HGSNAT: variants seen among roughly 807,000 people sequenced by gnomAD.
HGSNAT encodes the protein transmembrane protein 76.
Under a neutral mutation model 85.2 loss-of-function variants are expected in HGSNAT, and 59 were observed. The observed-to-expected ratio is 0.69, with a 90% CI of 0.56 to 0.86. The LOEUF is 0.86. HGSNAT is among the 40% of genes least tolerant of loss of function. The probability of loss-of-function intolerance (pLI) is 0.00; values close to 1 mark genes in which losing one functional copy is unlikely to be tolerated. For missense variants in HGSNAT, 756 were observed against 777.1 expected (o/e 0.97, Z 0.32); for synonymous variants, 321 against 304.5 (o/e 1.05, Z -0.56).
At chr8:43,163,330 G>GAA (rs953338568) in intron 5 of HGSNAT, among the ~76,000 whole-genome samples, 4 of 152,094 alleles carry the variant, frequency 2.6e-5, no homozygotes, top group African/African-American at 4.8e-5. Context: ...GACAAAGCAG[G>GAA]AGTCCCTTAT....
At chr8:43,167,873 G>C (rs1419425980) in intron 5 of HGSNAT, 1 of 207,782 alleles carries the variant, frequency 4.8e-6, no homozygotes, top group African/African-American at 2.4e-5. Flanking sequence ...TCTTTTGTTA[G>C]TCATGTAAAT....
chr8:43,144,343 A>ATT (rs1177935239), intron 1 of HGSNAT, among the ~76,000 whole-genome samples: 2 of 151,354 alleles, frequency 1.3e-5, no homozygotes, highest in African/African-American at 4.9e-5. Flanking sequence ...AAAAAAAAAA[A>ATT]TTTTAACTGG....
chr8:43,197,161 AC>A, intron 15 of HGSNAT, 136 bp downstream of exon 15: 1 of 648,356 alleles, frequency 1.5e-6, no homozygotes, highest in African/African-American at 1.8e-5. Context: ...CACTTGAATA[AC>A]AGAGAGGAAC....
In HGSNAT at chr8:43,201,519, C is replaced by A. The variant is rs1028496024; in HGVS notation, c.*1950C>A. The A allele has an allele frequency of 3.3e-5, 5 of 152,206 alleles. No individual in the cohort carries two copies. Among genetic ancestry groups the A allele is most frequent in the African/African-American group, 1.2e-4 (5 of 41,444 alleles). 9.4% of individuals were successfully genotyped at this position (152,206 alleles called of 1,614,324 possible). ...ATTACATTTTCCTCTGAATTTTTTC[C>A]TATCTACATTTGATCTGTCATGTTT... On this transcript the variant is annotated 3_prime_UTR_variant, in exon 18 of 18. Transcript: ENST00000379644. The surrounding 1 kb of genome is among the most constrained non-coding windows in gnomAD (Gnocchi z 4.4).
At chr8:43,146,170 C>A (rs1039762554) in intron 1 of HGSNAT, among the ~76,000 whole-genome samples, 1 of 152,072 alleles carries the variant, frequency 6.6e-6, no homozygotes, top group African/African-American at 2.4e-5. Flanking sequence ...GGATTCACTG[C>A]TCCCAATCCA....
chr8:43,194,664 T>C, intron 14 of HGSNAT: 2 of 260,414 alleles, frequency 7.7e-6, no homozygotes, highest in Non-Finnish European at 1.2e-5. Flanking sequence ...TGCTGTGTCC[T>C]CACACGGTGT....
chr8:43,154,769 C>A (rs192553665), intron 2 of HGSNAT, among the ~76,000 whole-genome samples: 1 of 152,122 alleles, frequency 6.6e-6, no homozygotes, highest in African/African-American at 2.4e-5. Flanking sequence ...ATCGCCACAC[C>A]GACTTCCACA....
At chr8:43,141,799 G>A (rs1282365164) in intron 1 of HGSNAT, among the ~76,000 whole-genome samples, 2 of 152,136 alleles carry the variant, frequency 1.3e-5, no homozygotes, top group Non-Finnish European at 2.9e-5. Flanking sequence ...AAAATTGCAA[G>A]GACCCCGGGG....
chr8:43,170,639 A>G lies in HGSNAT; in HGVS notation c.688A>G (p.Thr230Ala), dbSNP rs758464800. The G allele has an allele frequency of 1.6e-5, 25 of 1,610,196 alleles. No individual in the cohort carries two copies. The highest frequency in any genetic ancestry group is 2.1e-5 in the Non-Finnish European group (25 of 1,178,416). The change falls in exon 7 of 18, where the codon ACG becomes GCG. Residue 230 changes from threonine to alanine, a missense_variant. Transcript: ENST00000379644. ...TCTCGATGGTGATGTTCAGCCAGCA[A>G]CGTGGCGTCTATCTGCCCTGCCGCC... ...DPLDGDVQPA[T>A]WRLSALPPRL...
At chr8:43,196,840 G>C in intron 14 of HGSNAT, 108 bp from the exon 15 acceptor site, 3 of 724,374 alleles carry the variant, frequency 4.1e-6, no homozygotes, top group Non-Finnish European at 4.9e-6. Flanking sequence ...ACCTAGTAGC[G>C]TGCCCAGCAA....
intron 17 of HGSNAT, 140 bp downstream of exon 17, chr8:43,198,092 C>T: frequency 1.6e-6 from 1 of 624,906 alleles, no homozygotes. Flanking sequence ...AGGGAGGAAG[C>T]AGCAGGGCCC....
intron 12 of HGSNAT, among the ~76,000 whole-genome samples, chr8:43,192,023 G>A (rs1804549911): frequency 1.3e-5 from 2 of 152,100 alleles, no homozygotes; most frequent in Admixed American, 1.3e-4. Context: ...GCGCCTCCCA[G>A]GTTCAAGCGA....
intron 14 of HGSNAT, chr8:43,194,046 T>C: frequency 7.9e-7 from 1 of 1,258,930 alleles, no homozygotes; most frequent in Non-Finnish European, 1.0e-6. Flanking sequence ...ATAATTCTTA[T>C]ATTCTCAAAA....
intron 11 of HGSNAT, among the ~76,000 whole-genome samples, chr8:43,185,815 G>A (rs1369246656): frequency 6.6e-6 from 1 of 152,116 alleles, no homozygotes; most frequent in Admixed American, 6.6e-5. Context: ...AGGTCCCATC[G>A]ATACCTAGTT....
intron 9 of HGSNAT, chr8:43,173,984 G>A (rs1230076469): frequency 6.3e-6 from 2 of 317,456 alleles, no homozygotes; most frequent in Non-Finnish European, 1.2e-5. Flanking sequence ...GGGAGGCTGA[G>A]GCAGGCGAAT....
At chr8:43,182,052 G>C (rs1804143661) in intron 10 of HGSNAT, 93 bp from the exon 11 acceptor site, 2 of 909,976 alleles carry the variant, frequency 2.2e-6, no homozygotes. Context: ...ATGCAATATA[G>C]GTATGTCTTC....
At chr8:43,188,457 A>G (rs1370926014) in intron 11 of HGSNAT, among the ~76,000 whole-genome samples, 1 of 152,144 alleles carries the variant, frequency 6.6e-6, no homozygotes, top group Non-Finnish European at 1.5e-5. Flanking sequence ...TTGTGCATGC[A>G]TCACGTAGTT....
intron 1 of HGSNAT, among the ~76,000 whole-genome samples, chr8:43,144,516 C>T (rs567732902): frequency 6.6e-6 from 1 of 151,968 alleles, no homozygotes; most frequent in Admixed American, 6.6e-5. Flanking sequence ...ACTCTTATGA[C>T]CCTTAATTTA....
At chr8:43,179,676 TC>T (rs1803974619) in intron 10 of HGSNAT, among the ~76,000 whole-genome samples, 1 of 5,772 alleles carries the variant, frequency 1.7e-4, no homozygotes, top group South Asian at 6.9e-3. Context: ...TCCCCCCACC[TC>T]CCTCCCGGAT....
Sources: allele counts gnomAD v4.1 joint callset (sites outside exome capture counted in the v4.1 genomes callset), GRCh38; gene constraint gnomAD v4.1.1; non-coding constraint Gnocchi (gnomAD v3.1); transcripts MANE v1.5; gene names NCBI Gene and HGNC (gene_info 2026-07-23, HGNC 2026-07-21).